Variants in ANK1 observed in about 807,000 individuals in gnomAD.
ANK1 encodes the protein ankyrin-1.
Under a neutral mutation model 210.4 loss-of-function variants are expected in ANK1, and 51 were observed. That is an observed-to-expected ratio of 0.24 (90% CI 0.19 to 0.31). ANK1 has a LOEUF of 0.31. ANK1 is among the 10% of genes least tolerant of loss of function. ANK1 has a pLI of 1.00. For missense variants in ANK1, 2,051 were observed against 2,504.4 expected (o/e 0.82, Z 3.86); for synonymous variants, 967 against 1,025.9 (o/e 0.94, Z 1.10).
intron 1 of ANK1, among the ~76,000 whole-genome samples, chr8:41,763,657 T>C (rs34493563): frequency 0.015 from 2,214 of 152,080 alleles, 65 homozygotes; most frequent in African/African-American, 0.05. Context: ...AGCTAATCCA[T>C]GGCAGAGGAA....
At chr8:41,862,420 C>T (rs1813446129) in intron 1 of ANK1, among the ~76,000 whole-genome samples, 1 of 152,168 alleles carries the variant, frequency 6.6e-6, no homozygotes, top group Non-Finnish European at 1.5e-5. Context: ...AAACCACATG[C>T]TCCCAGCCTG....
intron 37 of ANK1, among the ~76,000 whole-genome samples, chr8:41,676,598 T>C (rs1215562998): frequency 6.6e-6 from 1 of 152,176 alleles, no homozygotes; most frequent in Admixed American, 6.5e-5. Context: ...AACTTGTCAA[T>C]TTGTTCTTTT....
intron 16 of ANK1, among the ~76,000 whole-genome samples, chr8:41,713,210 A>G (rs1347263167): frequency 6.6e-6 from 1 of 152,134 alleles, no homozygotes; most frequent in Non-Finnish European, 1.5e-5. Context: ...TCTCCCATAA[A>G]TTATCCTGTT....
intron 1 of ANK1, among the ~76,000 whole-genome samples, chr8:41,761,630 T>C (rs1261028997): frequency 6.6e-6 from 1 of 152,058 alleles, no homozygotes; most frequent in Non-Finnish European, 1.5e-5. Flanking sequence ...TGTGTGGCGA[T>C]TTGTTACAGC....
intron 1 of ANK1, among the ~76,000 whole-genome samples, chr8:41,866,076 G>A (rs1019397385): frequency 1.3e-5 from 2 of 152,222 alleles, no homozygotes; most frequent in African/African-American, 4.8e-5. Flanking sequence ...CAGTGGGGAC[G>A]TATGGAGCCT....
At chr8:41,658,540 C>T (rs1806568901) in intron 42 of ANK1, among the ~76,000 whole-genome samples, 1 of 152,228 alleles carries the variant, frequency 6.6e-6, no homozygotes, top group Admixed American at 6.5e-5. Flanking sequence ...CTCACAAGCT[C>T]CAGCTTTCAC....
intron 1 of ANK1, among the ~76,000 whole-genome samples, chr8:41,884,416 C>T (rs1185348905): frequency 1.3e-5 from 2 of 152,180 alleles, no homozygotes; most frequent in African/African-American, 4.8e-5. Flanking sequence ...CCTCAGCTAA[C>T]ATACAGTGGC....
intron 1 of ANK1, among the ~76,000 whole-genome samples, chr8:41,878,374 G>T (rs1452611713): frequency 6.6e-6 from 1 of 152,182 alleles, no homozygotes; most frequent in African/African-American, 2.4e-5. Context: ...AAGTCCAGAG[G>T]CAAAGGTGGA....
chr8:41,751,403 T>A (rs909880529), intron 2 of ANK1, among the ~76,000 whole-genome samples: 8 of 152,114 alleles, frequency 5.3e-5, no homozygotes, highest in African/African-American at 1.9e-4. Flanking sequence ...CCAAGCCACA[T>A]AGTAGGACCA....
chr8:41,853,061 C>T (rs577158390), intron 1 of ANK1, among the ~76,000 whole-genome samples: 8 of 152,280 alleles, frequency 5.3e-5, no homozygotes, highest in East Asian at 1.9e-4. Flanking sequence ...CAGTGAGAAA[C>T]GGAAAATATT....
intron 2 of ANK1, among the ~76,000 whole-genome samples, chr8:41,739,061 A>G (rs1834082284): frequency 6.6e-6 from 1 of 152,224 alleles, no homozygotes; most frequent in Admixed American, 6.5e-5. Flanking sequence ...TCTTTTTCCT[A>G]CAGATACTGC....
rs770893965 is a variant in ANK1 at position 41,672,591 on chromosome 8, A to G, written c.4859T>C (p.Leu1620Pro). ...TGAATCCACTGTGTCGTCCTCCACAAGTTCCAGAGAGCCCAACTCGGGGCC... is the reference window on the plus strand; with the variant it reads ...TGAATCCACTGTGTCGTCCTCCACAGGTTCCAGAGAGCCCAACTCGGGGCC... ...PRGPELGSLE[L>P]VEDDTVDSDA... Residue 1620 changes from leucine to proline, a missense_variant, in exon 38 of 43, where the codon CTT becomes CCT. By Grantham distance (98) the Leu-to-Pro change is moderately conservative. Coordinates refer to ENST00000289734, the MANE Select transcript of ANK1 (RefSeq NM_000037.4). The G allele has an allele frequency of 1.1e-5, 17 of 1,614,100 alleles. No homozygotes were observed. The highest frequency in any genetic ancestry group is 1.4e-5 in the Non-Finnish European group (17 of 1,180,046).
At chr8:41,749,548 C>T (rs545471977) in intron 2 of ANK1, among the ~76,000 whole-genome samples, 454 of 40,920 alleles carry the variant, frequency 0.011, 1 homozygote, top group Non-Finnish European at 0.015. Context: ...CCACCCGCCT[C>T]GGCCTCCCAA....
At chr8:41,723,996 G>T (rs1830040211) in intron 7 of ANK1, among the ~76,000 whole-genome samples, 1 of 151,710 alleles carries the variant, frequency 6.6e-6, no homozygotes, top group Non-Finnish European at 1.5e-5. Context: ...CACCGTGTTA[G>T]CCAGGATGGT....
intron 1 of ANK1, among the ~76,000 whole-genome samples, chr8:41,855,765 A>C (rs1812078566): frequency 6.6e-6 from 1 of 152,084 alleles, no homozygotes; most frequent in Non-Finnish European, 1.5e-5. Context: ...ATCAGCAAAA[A>C]CACCGAATGC....
In ANK1 at chr8:41,758,127, G is replaced by A; in HGVS notation, c.38C>T (p.Ala13Val). ...TCTTGCTGCTCTCAGAAAGCTGGTA[G>A]CAGCATCGGCCTGTGAGGAAAAACA... Reference protein sequence around the residue: ...YSVGFREADAATSFLRAARSG... With the variant: ...YSVGFREADAVTSFLRAARSG... Residue 13 changes from alanine (A) to valine (V), a missense_variant, in exon 2 of 43, where the codon GCT (alanine) becomes GTT (valine). This residue lies in a region of ANK1 where 21 missense variants were observed against 18.7 expected (regional missense o/e 1.12). Coordinates refer to ENST00000289734, the MANE Select transcript of ANK1 (RefSeq NM_000037.4). The A allele has an allele frequency of 1.2e-6, 2 of 1,613,788 alleles. No homozygotes were observed. The highest frequency in any genetic ancestry group is 1.7e-6 in the Non-Finnish European group (2 of 1,179,996).
At chr8:41,708,482 T>C (rs1458824193) in intron 17 of ANK1, among the ~76,000 whole-genome samples, 1 of 152,116 alleles carries the variant, frequency 6.6e-6, no homozygotes, top group Non-Finnish European at 1.5e-5. Flanking sequence ...TTTGGGAAAG[T>C]TTATTATGGA....
chr8:41,672,721 G>A lies in ANK1; in HGVS notation c.4729C>T (p.Leu1577=), dbSNP rs1812808197. ...AGAGAGGAGTCCTCAGCAGTGACCA[G>A]AGAAGGCGTGAGGCCCGCAGACCAC... The part of the protein sequence containing the change: ...QVWSAGLTPS[L]VTAEDSSLEC... Residue 1577 remains leucine (L), a synonymous_variant, in exon 38 of 43, where the codon CTG becomes TTG. Coordinates refer to ENST00000289734, the MANE Select transcript of ANK1 (RefSeq NM_000037.4). 1 of 1,609,042 alleles carries A rather than the reference G, an allele frequency of 6.2e-7. No individual in the cohort carries two copies. Among genetic ancestry groups the A allele is most frequent in the South Asian group, 1.1e-5 (1 of 90,730 alleles).
intron 2 of ANK1, among the ~76,000 whole-genome samples, chr8:41,734,822 G>C (rs1299228098): frequency 6.6e-6 from 1 of 151,998 alleles, no homozygotes; most frequent in African/African-American, 2.4e-5. Flanking sequence ...AGAATCACCT[G>C]AGCCCAGGAG....
Sources: gnomAD v4.1 joint callset for allele counts (sites outside exome capture counted in the v4.1 genomes callset) on GRCh38, gnomAD v4.1.1 for gene constraint, gnomAD v4.1.1 regional missense constraint, MANE v1.5 for transcripts, NCBI Gene and HGNC (gene_info 2026-07-23, HGNC 2026-07-21) for gene names.